Variants in DENND1A observed in about 807,000 individuals in gnomAD.
DENND1A encodes DENN domain containing 1A.
DENND1A carries 51 observed loss-of-function variants against 113.7 expected under a neutral mutation model. The observed-to-expected ratio is 0.45, with a 90% CI of 0.36 to 0.57. The LOEUF (loss-of-function observed/expected upper bound fraction) is 0.57, where lower values mean the gene tolerates loss of function less well. Among genes scored for constraint, DENND1A ranks in the 20% least tolerant of loss-of-function variants. The pLI is 0.00. For missense variants in DENND1A, 1,258 were observed against 1,395.9 expected, an observed-to-expected ratio of 0.90 and a Z score of 1.57; for synonymous variants, 565 against 570.8, an observed-to-expected ratio of 0.99 and a Z score of 0.14.
At chr9:123,909,413 TAAATA>T (rs1483973283) in intron 1 of DENND1A, among the ~76,000 whole-genome samples, 1 of 143,512 alleles carries the variant, frequency 7.0e-6, no homozygotes, top group African/African-American at 2.7e-5. Context: ...AAAATAAAAA[TAAATA>T]AAAAAACTGG....
At chr9:123,458,550 T>G (rs919619055) in intron 13 of DENND1A, among the ~76,000 whole-genome samples, 1 of 152,140 alleles carries the variant, frequency 6.6e-6, no homozygotes, top group Non-Finnish European at 1.5e-5. Context: ...CCACATCCCC[T>G]TCCGTACCCC....
chr9:123,550,583 C>A (rs778498571), intron 13 of DENND1A, among the ~76,000 whole-genome samples: 1 of 152,184 alleles, frequency 6.6e-6, no homozygotes, highest in Non-Finnish European at 1.5e-5. Context: ...ATAAGAAACT[C>A]TAAGCAGAAA....
intron 21 of DENND1A, among the ~76,000 whole-genome samples, chr9:123,399,675 G>A (rs1311285321): frequency 6.6e-6 from 1 of 152,208 alleles, no homozygotes; most frequent in African/African-American, 2.4e-5. Flanking sequence ...CAGCCTTCAG[G>A]GAGCCAGAGA....
At chr9:123,498,749 G>T (rs1255065044) in intron 13 of DENND1A, among the ~76,000 whole-genome samples, 1 of 150,660 alleles carries the variant, frequency 6.6e-6, no homozygotes, top group African/African-American at 2.5e-5. Flanking sequence ...TTGAGACAAA[G>T]TCTCGCTCTG....
rs139044923 is a variant in DENND1A at position 123,885,215 on chromosome 9, G to C, written c.18-6194C>G. Among the ~76,000 whole-genome samples, 6 of 152,180 alleles carry C rather than the reference G, an allele frequency of 3.9e-5. No homozygotes were observed. In the East Asian group the frequency reaches 1.2e-3, roughly 29 times the overall value. The stretch of plus-strand genomic sequence containing the variant: ...AAAATCCTGATGCCCAGTCTATATC[G>C]CAGACCAATTAAATCAGAATCTCCA... On this transcript the variant is annotated intron_variant, in intron 1 of 23. Coordinates refer to ENST00000394215, the MANE Select transcript of DENND1A (RefSeq NM_001352964.2).
chr9:123,787,082 G>A (rs1189706319), intron 3 of DENND1A, among the ~76,000 whole-genome samples: 1 of 152,092 alleles, frequency 6.6e-6, no homozygotes, highest in East Asian at 1.9e-4. Flanking sequence ...ACAAGCCACT[G>A]TCGAAAGACT....
intron 5 of DENND1A, among the ~76,000 whole-genome samples, chr9:123,730,569 CCA>C (rs1463472927): frequency 6.6e-6 from 1 of 152,120 alleles, no homozygotes; most frequent in African/African-American, 2.4e-5. Context: ...CCATCTCACC[CCA>C]GTTAGAATGG....
intron 9 of DENND1A, among the ~76,000 whole-genome samples, chr9:123,641,266 T>G (rs79568932): frequency 0.017 from 2,553 of 152,254 alleles, 60 homozygotes; most frequent in African/African-American, 0.057. Flanking sequence ...ATGACTTAAA[T>G]ATTATCCTTT....
chr9:123,678,459 G>C (rs747929272), intron 5 of DENND1A, among the ~76,000 whole-genome samples: 8 of 152,154 alleles, frequency 5.3e-5, no homozygotes, highest in Non-Finnish European at 1.2e-4. Context: ...AGCGCTTGCC[G>C]GCCTGGTCAT....
chr9:123,820,583 T>C (rs1325625870), intron 2 of DENND1A, among the ~76,000 whole-genome samples: 2 of 152,200 alleles, frequency 1.3e-5, no homozygotes, highest in East Asian at 1.9e-4. Context: ...CCACCCAAGG[T>C]AGCCCAGCCA....
At chr9:123,905,863 G>A (rs960774322) in intron 1 of DENND1A, among the ~76,000 whole-genome samples, 2 of 151,294 alleles carry the variant, frequency 1.3e-5, no homozygotes, top group African/African-American at 4.9e-5. Flanking sequence ...AAACCTAATA[G>A]ACATCTACAG....
intron 3 of DENND1A, among the ~76,000 whole-genome samples, chr9:123,779,446 T>C (rs1238464156): frequency 6.6e-6 from 1 of 152,206 alleles, no homozygotes; most frequent in East Asian, 1.9e-4. Flanking sequence ...CAAATTCAAG[T>C]GTTCACTTCT....
chr9:123,560,082 T>G (rs147030356), intron 12 of DENND1A, among the ~76,000 whole-genome samples: 87 of 152,378 alleles, frequency 5.7e-4, no homozygotes, highest in African/African-American at 2.0e-3. Context: ...TTTATCGATC[T>G]GTTCATCTGC....
intron 2 of DENND1A, among the ~76,000 whole-genome samples, chr9:123,818,563 C>G (rs946720976): frequency 3.9e-4 from 22 of 57,008 alleles, no homozygotes; most frequent in Admixed American, 7.4e-4. Context: ...CACACACACA[C>G]ACACATATAT....
intron 13 of DENND1A, among the ~76,000 whole-genome samples, chr9:123,539,980 C>T (rs1276496873): frequency 7.9e-5 from 12 of 151,848 alleles, no homozygotes; most frequent in Non-Finnish European, 1.6e-4. Context: ...TATAGCGGTA[C>T]CTACCTAGTG....
chr9:123,679,165 C>T (rs767542380), intron 5 of DENND1A, among the ~76,000 whole-genome samples: 1 of 152,132 alleles, frequency 6.6e-6, no homozygotes, highest in Non-Finnish European at 1.5e-5. Flanking sequence ...AAGAGAAAAA[C>T]TGAATCATTT....
At chr9:123,485,955 G>C (rs896204562) in intron 13 of DENND1A, among the ~76,000 whole-genome samples, 3 of 152,174 alleles carry the variant, frequency 2.0e-5, no homozygotes, top group Admixed American at 6.5e-5. Context: ...TGGCCCATGG[G>C]CTCTGTGACT....
chr9:123,573,963 C>G (rs1019743343), intron 12 of DENND1A, among the ~76,000 whole-genome samples: 25 of 150,822 alleles, frequency 1.7e-4, no homozygotes, highest in Admixed American at 1.6e-3. Context: ...TGAATATTGC[C>G]GAATTTTTCC....
intron 11 of DENND1A, among the ~76,000 whole-genome samples, chr9:123,604,875 G>A: frequency 6.6e-6 from 1 of 152,172 alleles, no homozygotes; most frequent in Non-Finnish European, 1.5e-5. Flanking sequence ...ACGGCTTGAA[G>A]GCCACTAAAG....
Sources: gnomAD v4.1 joint callset for allele counts (sites outside exome capture counted in the v4.1 genomes callset) on GRCh38, gnomAD v4.1.1 for gene constraint, MANE v1.5 for transcripts, NCBI Gene and HGNC (gene_info 2026-07-23, HGNC 2026-07-21) for gene names.